Variants in RER1 observed in about 807,000 individuals in gnomAD.
RER1 encodes protein RER1.
A neutral mutation model predicts 28.3 loss-of-function variants in RER1; 6 were observed. That is an observed-to-expected ratio of 0.21 (90% confidence interval 0.12 to 0.42). The LOEUF (loss-of-function observed/expected upper bound fraction) is 0.42, where lower values mean the gene tolerates loss of function less well. RER1 is among the 10% of genes least tolerant of loss of function. The probability of loss-of-function intolerance (pLI) is 1.00; values close to 1 mark genes in which losing one functional copy is unlikely to be tolerated. For missense variants in RER1, 159 were observed against 252.9 expected (o/e 0.63, Z 2.52); for synonymous variants, 110 against 95.9 (o/e 1.15, Z -0.86).
chr1:2,393,429 G>A (rs1642720131), intron 1 of RER1, among the ~76,000 whole-genome samples: 1 of 152,176 alleles, frequency 6.6e-6, no homozygotes, highest in Non-Finnish European at 1.5e-5. Context: ...AGTGTGGGCG[G>A]TAACGGAGGC....
Position 2,391,919 on chromosome 1 carries a change from C to T in RER1, c.-47C>T, listed in dbSNP as rs970927745. On this transcript the variant is annotated 5_prime_UTR_variant, in exon 1 of 7. Transcript: ENST00000605895. ...GCCCCGCCGTCCTCCTTCCCGCGGC[C>T]GTGAGGGAGACCGCGGCTCGGCCGT... is the stretch of plus-strand genomic sequence containing the variant. The T allele has an allele frequency of 2.0e-5, 4 of 197,386 alleles. No homozygotes were observed. Among genetic ancestry groups the T allele is most frequent in the African/African-American group, 4.6e-5 (2 of 43,266 alleles). 12.2% of individuals were successfully genotyped at this position (197,386 alleles called of 1,614,324 possible). A position where few individuals can be genotyped will look rare whatever the true frequency, so the allele number is the denominator to read the frequency against.
chr1:2,401,158 C>T (rs1003570703), intron 5 of RER1, among the ~76,000 whole-genome samples: 11 of 151,786 alleles, frequency 7.2e-5, no homozygotes, highest in East Asian at 1.9e-4. Flanking sequence ...GGATGGAGTG[C>T]GCACCGGCTT....
At chr1:2,399,581 C>A in intron 4 of RER1, 67 bp downstream of exon 4, 1 of 971,198 alleles carries the variant, frequency 1.0e-6, no homozygotes, top group Middle Eastern at 2.3e-4. Flanking sequence ...TGGGATTGCC[C>A]AGTGTTCTCT....
At chr1:2,398,853 CT>C (rs1261814182) in intron 3 of RER1, among the ~76,000 whole-genome samples, 1 of 152,238 alleles carries the variant, frequency 6.6e-6, no homozygotes, top group Non-Finnish European at 1.5e-5. Context: ...CATAAGCACA[CT>C]TTTCTGGATT....
chr1:2,402,773 C>G (rs1422062551), intron 6 of RER1, among the ~76,000 whole-genome samples: 1 of 152,184 alleles, frequency 6.6e-6, no homozygotes. Context: ...GCAGAGAGGG[C>G]CCTGGGCCAC....
chr1:2,395,937 G>C lies in RER1; in HGVS notation c.81+66G>C, dbSNP rs774727497. ...AAGAAACGGGACTCCCAGCATTTTC[G>C]GGAAGGATCTGTTTGCTGGTGTTCC... On this transcript the variant is annotated intron_variant, in intron 2 of 6. Coordinates refer to ENST00000605895, the MANE Select transcript of RER1 (RefSeq NM_007033.5). 4.7e-5 allele frequency: 59 copies of C among 1,246,230 alleles called. No individual in the cohort carries two copies. In the African/African-American group the frequency reaches 6.5e-4, roughly 14 times the overall value. 77.2% of individuals were successfully genotyped at this position (1,246,230 alleles called of 1,614,324 possible).
At position 2,403,017 on chromosome 1, in the gene RER1, CTG is replaced by C. The variant is rs1297836099; in HGVS notation, c.502-14_502-13del. 1.9e-6 allele frequency: 3 copies of C among 1,604,426 alleles called. No homozygotes were observed. The highest frequency in any genetic ancestry group is 1.1e-5 in the South Asian group (1 of 90,372). The stretch of plus-strand genomic sequence containing the variant: ...GAGAGCGGTTGTGCAGTAACTGAGT[CTG>C]TGTTTCTCTCCCCAGCACATGATTA... On this transcript the variant is annotated splice_polypyrimidine_tract_variant and intron_variant, in intron 6 of 6. Coordinates refer to ENST00000605895, the MANE Select transcript of RER1 (RefSeq NM_007033.5).
In RER1 at chr1:2,399,797, G is replaced by T. The variant is rs192476820; in HGVS notation, c.286+283G>T. ...TCACATGGCACCACAGACAGTAGGGGTCTGAGGTGGACAGTCCGACTCCAG... is the reference window on the plus strand; with the variant it reads ...TCACATGGCACCACAGACAGTAGGGTTCTGAGGTGGACAGTCCGACTCCAG... On this transcript the variant is annotated intron_variant, in intron 4 of 6. Coordinates refer to ENST00000605895, the MANE Select transcript of RER1 (RefSeq NM_007033.5). 5.3e-5 allele frequency among the ~76,000 whole-genome samples: 8 copies of T among 152,314 alleles called. 1 individual carries two copies. In the East Asian group the frequency reaches 1.5e-3, roughly 29 times the overall value.
chr1:2,402,952 A>G (rs191690637), intron 6 of RER1, 83 bp from the exon 7 acceptor site: 2 of 1,122,564 alleles, frequency 1.8e-6, no homozygotes, highest in Admixed American at 3.9e-5. Context: ...AAGATGGGGG[A>G]CCTTTGGCCG....
At chr1:2,401,227 CCCTTCCTCCCT>C (rs1231281543) in intron 5 of RER1, among the ~76,000 whole-genome samples, 11 of 75,060 alleles carry the variant, frequency 1.5e-4, no homozygotes, top group Non-Finnish European at 2.3e-4. Flanking sequence ...CCCTCCTCCT[CCCTTCCTCCCT>C]CCTTCCTCCC....
rs1129333 is a variant in RER1 at position 2,404,237 on chromosome 1, A to G, written c.*1113A>G. 0.82 allele frequency: 125,156 copies of G among 152,190 alleles called. 52,526 individuals carry two copies. The highest frequency in any genetic ancestry group is 0.91 in the Non-Finnish European group (61,877 of 68,022). 9.4% of individuals were successfully genotyped at this position (152,190 alleles called of 1,614,324 possible). Reference sequence around the variant, plus strand: ...ATGCTTAGTGTCTGGATTTTCTTGTACCAGTGTTTACATATCTGACATCGA... The same window carrying G: ...ATGCTTAGTGTCTGGATTTTCTTGTGCCAGTGTTTACATATCTGACATCGA... On this transcript the variant is annotated 3_prime_UTR_variant, in exon 7 of 7. Transcript: ENST00000605895.
intron 1 of RER1, among the ~76,000 whole-genome samples, chr1:2,392,706 A>C (rs939149580): frequency 6.6e-6 from 1 of 152,234 alleles, no homozygotes; most frequent in Non-Finnish European, 1.5e-5. Flanking sequence ...AGGAAGATGC[A>C]GTTATCCCCG....
chr1:2,403,797 T>G lies in RER1; in HGVS notation c.*673T>G, dbSNP rs1642912476. 1 of 152,630 alleles carries G rather than the reference T, an allele frequency of 6.6e-6. No homozygotes were observed. The highest frequency in any genetic ancestry group is 6.5e-5 in the Admixed American group (1 of 15,282). The allele number at this position is 152,630 out of a possible 1,614,324, so 9.5% of individuals were successfully genotyped here. A position where few individuals can be genotyped will look rare whatever the true frequency, so the allele number is the denominator to read the frequency against. ...ACATTTCTTTGATACGTAGAGTGTT[T>G]TGTTTTTAATTTAAATCTGTCCTCA... On this transcript the variant is annotated 3_prime_UTR_variant, in exon 7 of 7. Coordinates refer to ENST00000605895, the MANE Select transcript of RER1 (RefSeq NM_007033.5).
rs570591421 is a variant in RER1 at position 2,395,414 on chromosome 1, G to A, written c.-7-370G>A. 1.7e-4 allele frequency: 51 copies of A among 295,184 alleles called. 1 individual carries two copies. The highest frequency in any genetic ancestry group is 1.7e-3 in the South Asian group (50 of 29,224). 18.3% of individuals were successfully genotyped at this position (295,184 alleles called of 1,614,324 possible). On this transcript the variant is annotated intron_variant, in intron 1 of 6. Transcript: ENST00000605895. ...GAACCCTGAGGGATCCACAGAGGGT[G>A]CGGTCCTTGGAGGGAGGACATGCAG...
intron 3 of RER1, among the ~76,000 whole-genome samples, chr1:2,397,563 C>T (rs974330228): frequency 2.0e-5 from 3 of 152,186 alleles, no homozygotes; most frequent in Non-Finnish European, 4.4e-5. Flanking sequence ...CTGTGGCTGC[C>T]TCATTCCTTG....
At position 2,402,339 on chromosome 1, in the gene RER1, C is replaced by T. The variant is rs1642877180; in HGVS notation, c.498C>T (p.Ile166=). ...TCTGTATCACGATGAAGAGGCAAAT[C>T]AAGGTAAAGCAGAGGCGCTGCCGCC... ...MLFCITMKRQ[I]KHMIKYRYIP... The change falls in exon 6 of 7, where the codon ATC becomes ATT. Residue 166 remains isoleucine (I), a synonymous_variant. Transcript: ENST00000605895. 1.2e-6 allele frequency: 2 copies of T among 1,614,048 alleles called. No homozygotes were observed. Among genetic ancestry groups the T allele is most frequent in the South Asian group, 1.1e-5 (1 of 91,088 alleles).
chr1:2,403,503 G>A lies in RER1; in HGVS notation c.*379G>A, dbSNP rs994061364. On this transcript the variant is annotated 3_prime_UTR_variant, in exon 7 of 7. Transcript: ENST00000605895. Reference sequence around the variant, plus strand: ...TCCCCGCCAGCCGCCTTCCCCAGCAGCCGCAGGTGGTGCCAGCCACTCCAC... The same window carrying A: ...TCCCCGCCAGCCGCCTTCCCCAGCAACCGCAGGTGGTGCCAGCCACTCCAC... 7 of 290,900 alleles carry A rather than the reference G, an allele frequency of 2.4e-5. No homozygotes were observed. The highest frequency in any genetic ancestry group is 5.0e-5 in the Admixed American group (1 of 20,010). 18.0% of individuals were successfully genotyped at this position (290,900 alleles called of 1,614,324 possible).
chr1:2,402,007 G>A (rs1372586466), intron 5 of RER1, 200 bp from the exon 6 acceptor site: 2 of 1,502,182 alleles, frequency 1.3e-6, no homozygotes, highest in Non-Finnish European at 1.8e-6. Flanking sequence ...AGAGAAGGAT[G>A]TTTCTGTGGT....
chr1:2,392,993 G>T (rs1162891457), intron 1 of RER1, among the ~76,000 whole-genome samples: 2 of 152,282 alleles, frequency 1.3e-5, no homozygotes, highest in Admixed American at 6.5e-5. Flanking sequence ...TTGGGGATGG[G>T]GACGTGAAGA....
Sources: allele counts gnomAD v4.1 joint callset (sites outside exome capture counted in the v4.1 genomes callset), GRCh38; gene constraint gnomAD v4.1.1; transcripts MANE v1.5; gene names NCBI Gene and HGNC (gene_info 2026-07-23, HGNC 2026-07-21).